LARP4: variants seen among roughly 807,000 people sequenced by gnomAD.
The protein encoded by LARP4 is La ribonucleoprotein 4.
In LARP4, 29 loss-of-function variants were observed where a neutral mutation model predicts 92.9. The observed-to-expected ratio is 0.31, with a 90% CI of 0.23 to 0.43. LARP4 has a LOEUF of 0.43. LARP4 is among the 20% of genes least tolerant of loss of function. The probability of loss-of-function intolerance (pLI) is 1.00; values close to 1 mark genes in which losing one functional copy is unlikely to be tolerated. For synonymous variants in LARP4, 279 were observed against 284.1 expected (o/e 0.98, Z 0.18); for missense variants, 732 against 860.0 (o/e 0.85, Z 1.86).
In LARP4 at chr12:50,478,198, A is replaced by G. The variant is rs1253217065; in HGVS notation, c.*2334A>G. 6.6e-6 allele frequency: 1 copy of G among 152,338 alleles called. No homozygotes were observed. The highest frequency in any genetic ancestry group is 2.4e-5 in the African/African-American group (1 of 41,462). 9.4% of individuals were successfully genotyped at this position (152,338 alleles called of 1,614,324 possible). ...TTTTACTTCAAATGTTATTTAAAGT[A>G]GAAATTTAATTTGTAGATATAACCT... On this transcript the variant is annotated 3_prime_UTR_variant, in exon 16 of 16. Coordinates refer to ENST00000398473, the MANE Select transcript of LARP4 (RefSeq NM_052879.5).
At chr12:50,420,705 AAG>A (rs1947602190) in intron 1 of LARP4, 1 of 152,186 alleles carries the variant, frequency 6.6e-6, no homozygotes, top group South Asian at 2.1e-4. Context: ...TGTATATGGC[AAG>A]GATGGTTAAA....
intron 11 of LARP4, among the ~76,000 whole-genome samples, chr12:50,462,277 C>A (rs1212097897): frequency 1.3e-5 from 2 of 152,006 alleles, no homozygotes; most frequent in African/African-American, 2.4e-5. Flanking sequence ...GTCAGGAGAT[C>A]GAGACCATCC....
intron 11 of LARP4, among the ~76,000 whole-genome samples, chr12:50,462,290 G>A (rs576527144): frequency 6.6e-6 from 1 of 152,148 alleles, no homozygotes; most frequent in South Asian, 2.1e-4. Flanking sequence ...GACCATCCTG[G>A]CCAACATGGT....
At chr12:50,462,842 G>C (rs925385570) in intron 12 of LARP4, among the ~76,000 whole-genome samples, 3 of 152,020 alleles carry the variant, frequency 2.0e-5, no homozygotes, top group Admixed American at 6.6e-5. Flanking sequence ...CGCTTGTGTT[G>C]CTTGCTTAAA....
rs145051094 is a variant in LARP4, at chr12:50,473,220, C to T, written c.1546-195C>T. Reference sequence around the variant, plus strand: ...GAGTTTTAATGTCTCCATATCATCCCCAACATTTGTTAATGTTTGTCTTTT... The same window carrying T: ...GAGTTTTAATGTCTCCATATCATCCTCAACATTTGTTAATGTTTGTCTTTT... On this transcript the variant is annotated intron_variant, in intron 13 of 15. Transcript: ENST00000398473. Among the ~76,000 whole-genome samples the T allele has an allele frequency of 4.4e-3, 667 of 152,276 alleles. 6 individuals are homozygous for T. Among genetic ancestry groups the T allele is most frequent in the African/African-American group, 0.015 (631 of 41,542 alleles).
intron 11 of LARP4, among the ~76,000 whole-genome samples, chr12:50,462,039 G>A (rs1227021830): frequency 6.6e-6 from 1 of 152,116 alleles, no homozygotes; most frequent in Non-Finnish European, 1.5e-5. Flanking sequence ...GGTTTGAAGG[G>A]ATCACTACTA....
At chr12:50,426,733 T>TGTGTG (rs1948843545) in intron 1 of LARP4, among the ~76,000 whole-genome samples, 1 of 65,986 alleles carries the variant, frequency 1.5e-5, no homozygotes, top group Non-Finnish European at 2.6e-5. Context: ...GTGTGTGTGG[T>TGTGTG]TTTTTTTTTT....
At chr12:50,450,902 A>G (rs1254761690) in intron 8 of LARP4, among the ~76,000 whole-genome samples, 1 of 152,016 alleles carries the variant, frequency 6.6e-6, no homozygotes, top group Non-Finnish European at 1.5e-5. Flanking sequence ...TACGTTTATG[A>G]TACTCAGTTG....
intron 5 of LARP4, 66 bp from the exon 6 acceptor site, chr12:50,437,669 C>T (rs1950633767): frequency 2.2e-6 from 2 of 891,590 alleles, no homozygotes; most frequent in Non-Finnish European, 3.6e-6. Flanking sequence ...TGAATAGTTT[C>T]TTTAATGGCA....
chr12:50,469,557 T>C (rs1448558504), intron 13 of LARP4, among the ~76,000 whole-genome samples: 1 of 145,714 alleles, frequency 6.9e-6, no homozygotes, highest in African/African-American at 2.6e-5. Flanking sequence ...TGACCTGAGA[T>C]TGCGCCACTG....
At chr12:50,407,447 AG>A (rs1945065756) in intron 1 of LARP4, among the ~76,000 whole-genome samples, 1 of 152,342 alleles carries the variant, frequency 6.6e-6, no homozygotes, top group Admixed American at 6.5e-5. Context: ...AATTATTTAA[AG>A]TTTTTTTTAT....
intron 12 of LARP4, 26 bp downstream of exon 12, chr12:50,462,656 G>A: frequency 7.1e-7 from 1 of 1,413,090 alleles, no homozygotes; most frequent in Non-Finnish European, 9.7e-7. Context: ...CTTTTATTCA[G>A]ACTTTTTTCT....
rs558884093 is a variant in LARP4, at chr12:50,410,181, T to G, written c.18+9153T>G. Among the ~76,000 whole-genome samples the G allele has an allele frequency of 2.0e-5, 3 of 152,232 alleles. No homozygotes were observed. In the South Asian group the frequency reaches 6.2e-4, roughly 32 times the overall value. On this transcript the variant is annotated intron_variant, in intron 1 of 15. Transcript: ENST00000398473. ...TCGTTTGTGTAGTTAGCCATTAGCT[T>G]TATCAGCTGACTAATTGAAGTAATG...
intron 8 of LARP4, among the ~76,000 whole-genome samples, chr12:50,453,071 C>G (rs4768878): frequency 2.7e-5 from 4 of 150,102 alleles, no homozygotes; most frequent in African/African-American, 9.8e-5. Flanking sequence ...CCACCATGCC[C>G]AGCTTTTTTT....
chr12:50,452,452 G>A (rs976517191), intron 8 of LARP4, among the ~76,000 whole-genome samples: 6 of 152,134 alleles, frequency 3.9e-5, no homozygotes, highest in Non-Finnish European at 5.9e-5. Context: ...AAAGTGCTGG[G>A]ATTACAGGCA....
At chr12:50,452,544 C>T (rs1953407608) in intron 8 of LARP4, among the ~76,000 whole-genome samples, 1 of 152,160 alleles carries the variant, frequency 6.6e-6, no homozygotes, top group South Asian at 2.1e-4. Context: ...ATTTACCTTC[C>T]CAGCAACAGT....
At chr12:50,429,724 T>TGA (rs1949362962) in intron 3 of LARP4, among the ~76,000 whole-genome samples, 1 of 152,134 alleles carries the variant, frequency 6.6e-6, no homozygotes, top group Non-Finnish European at 1.5e-5. Flanking sequence ...CTGCAATCTC[T>TGA]GCCTCCTGGG....
chr12:50,459,705 TC>T (rs1954977895), intron 10 of LARP4, among the ~76,000 whole-genome samples: 1 of 150,750 alleles, frequency 6.6e-6, no homozygotes, highest in Admixed American at 6.6e-5. Context: ...GTGCCTATAG[TC>T]CCAGCTACTC....
intron 8 of LARP4, among the ~76,000 whole-genome samples, chr12:50,452,791 C>A (rs918537466): frequency 5.9e-5 from 9 of 152,278 alleles, no homozygotes; most frequent in African/African-American, 2.2e-4. Context: ...CTGTTCATAG[C>A]ATTGTTGGGC....
Sources: gnomAD v4.1 joint callset for allele counts (sites outside exome capture counted in the v4.1 genomes callset) on GRCh38, gnomAD v4.1.1 for gene constraint, MANE v1.5 for transcripts, NCBI Gene and HGNC (gene_info 2026-07-23, HGNC 2026-07-21) for gene names.